The following IARS1 variants were observed in gnomAD, a reference collection of about 807,000 sequenced individuals.
IARS1 encodes isoleucyl-tRNA synthetase 1.
A neutral mutation model predicts 168.2 loss-of-function variants in IARS1; 124 were observed. The observed-to-expected ratio is 0.74, with a 90% CI of 0.64 to 0.86. IARS1 has a LOEUF of 0.86. Ranked by LOEUF, IARS1 falls within the 40% of genes least tolerant of loss-of-function variation. The pLI is 0.00. For missense variants in IARS1, 1,452 were observed against 1,515.8 expected (o/e 0.96, Z 0.70); for synonymous variants, 532 against 529.4 (o/e 1.00, Z -0.07).
At chr9:92,223,996 C>G (rs893770328) in intron 31 of IARS1, among the ~76,000 whole-genome samples, 15 of 152,114 alleles carry the variant, frequency 9.9e-5, no homozygotes, top group African/African-American at 3.4e-4. Flanking sequence ...TAGGACAGGC[C>G]CACAGGGCAG....
rs35960000 is a variant in IARS1, at chr9:92,281,135, C to CT, written c.598-243dup. On this transcript the variant is annotated intron_variant, in intron 6 of 33. Transcript: ENST00000443024. ...AATAATGTCTTTTGACACCTGGTGACTTTTTTTTTTTTTTTTTTAGATGGA... is the reference window on the plus strand; with the variant it reads ...AATAATGTCTTTTGACACCTGGTGACTTTTTTTTTTTTTTTTTTTAGATGGA... Among the ~76,000 whole-genome samples, 727 of 135,544 alleles carry CT rather than the reference C, an allele frequency of 5.4e-3. 6 individuals are homozygous for CT. Among genetic ancestry groups the CT allele is most frequent in the African/African-American group, 6.4e-3 (239 of 37,154 alleles). 88.9% of individuals were successfully genotyped at this position (135,544 alleles called of 152,430 possible).
At chr9:92,247,330 C>T (rs1829353703) in intron 26 of IARS1, 47 bp downstream of exon 26, 2 of 1,564,092 alleles carry the variant, frequency 1.3e-6, no homozygotes, top group African/African-American at 1.4e-5. Flanking sequence ...AAAAGTATCC[C>T]TCAGACTCAG....
chr9:92,234,875 T>C (rs1196497944), intron 30 of IARS1, among the ~76,000 whole-genome samples: 2 of 151,488 alleles, frequency 1.3e-5, no homozygotes, highest in Non-Finnish European at 2.9e-5. Context: ...ATGGAGTTCG[T>C]TCTTGTTGCC....
At chr9:92,211,145 CAG>C (rs1179834137) in intron 33 of IARS1, among the ~76,000 whole-genome samples, 1 of 152,072 alleles carries the variant, frequency 6.6e-6, no homozygotes, top group East Asian at 1.9e-4. Context: ...CTGGCCAGGA[CAG>C]AAAGACCAAG....
chr9:92,254,334 CTT>C (rs1400442739), intron 20 of IARS1, among the ~76,000 whole-genome samples: 3 of 152,280 alleles, frequency 2.0e-5, no homozygotes, highest in South Asian at 2.1e-4. Context: ...AATTAATACT[CTT>C]TGTTACATAA....
At chr9:92,283,635 C>T (rs750387460) in intron 6 of IARS1, among the ~76,000 whole-genome samples, 7 of 151,946 alleles carry the variant, frequency 4.6e-5, no homozygotes, top group Non-Finnish European at 2.9e-5. Flanking sequence ...AGTGAGACTC[C>T]GTCTCAAAAA....
At position 92,259,616 on chromosome 9, in the gene IARS1, G is replaced by C. The variant is rs557296989; in HGVS notation, c.1871+535C>G. 7.2e-5 allele frequency among the ~76,000 whole-genome samples: 11 copies of C among 152,274 alleles called. No individual in the cohort carries two copies. The South Asian group carries it at 2.3e-3, about 32-fold the overall frequency. On this transcript the variant is annotated intron_variant, in intron 18 of 33. Coordinates refer to ENST00000443024, the MANE Select transcript of IARS1 (RefSeq NM_002161.6). ...TGCTGAGTCACAGGCCTGGGCACTG[G>C]TCTCATGCCTAGGACACAGGGATGC...
chr9:92,262,945 G>C (rs371274191), intron 17 of IARS1, 24 bp downstream of exon 17: 2 of 1,559,304 alleles, frequency 1.3e-6, no homozygotes, highest in African/African-American at 2.7e-5. Context: ...AGTTCCACCC[G>C]TCACTACAAC....
chr9:92,267,547 T>C (rs2133844850), intron 14 of IARS1, among the ~76,000 whole-genome samples: 1 of 152,308 alleles, frequency 6.6e-6, no homozygotes, highest in East Asian at 1.9e-4. Flanking sequence ...TTTGTAGAGA[T>C]GGAACCTCAT....
chr9:92,242,229 A>T lies in IARS1; in HGVS notation c.3102T>A (p.Phe1034Leu). The change falls in exon 29 of 34, where the codon TTT (phenylalanine) becomes TTA (leucine). Residue 1034 changes from phenylalanine (F) to leucine (L), a missense_variant. Phe to Leu is a conservative substitution (Grantham distance 22). Coordinates refer to ENST00000443024, the MANE Select transcript of IARS1 (RefSeq NM_002161.6). ...SVIESHTEFI[F>L]TTIKAPLKPY... is the part of the protein sequence containing the mutation. ...GTTTCAAGGGAGCCTTTATGGTGGT[A>T]AATATGAACTCTGTGTGGCTTTCAA... 6.2e-7 allele frequency: 1 copy of T among 1,613,988 alleles called. No individual in the cohort carries two copies. Among genetic ancestry groups the T allele is most frequent in the Non-Finnish European group, 8.5e-7 (1 of 1,179,834 alleles).
At chr9:92,268,006 A>T (rs778830974) in intron 14 of IARS1, among the ~76,000 whole-genome samples, 168 bp downstream of exon 14, 18 of 152,230 alleles carry the variant, frequency 1.2e-4, no homozygotes, top group Non-Finnish European at 2.5e-4. Context: ...TAAAAACCCC[A>T]GAAACAGATT....
chr9:92,263,010 C>T lies in IARS1; in HGVS notation c.1746G>A (p.Pro582=), dbSNP rs1302929013. 3.1e-6 allele frequency: 5 copies of T among 1,613,856 alleles called. No homozygotes were observed. Among genetic ancestry groups the T allele is most frequent in the African/African-American group, 1.3e-5 (1 of 74,878 alleles). ...CATTCACAATTACGTTCTTGAAAGG[C>T]GGTTGTCCAAAGAGGGCCGTGGCCA... ...LVLATALFGQ[P]PFKNVIVNGL... The change falls in exon 17 of 34, where the codon CCG becomes CCA. Residue 582 remains proline, a synonymous_variant. Coordinates refer to ENST00000443024, the MANE Select transcript of IARS1 (RefSeq NM_002161.6).
At chr9:92,276,848 G>A (rs1833848683) in intron 9 of IARS1, among the ~76,000 whole-genome samples, 1 of 152,204 alleles carries the variant, frequency 6.6e-6, no homozygotes. Context: ...AGCAGGGTTT[G>A]CAACTGTAGC....
rs111594005 is a variant in IARS1 at position 92,211,300 on chromosome 9, T to C, written c.3707-411A>G. Among the ~76,000 whole-genome samples, 6 of 152,240 alleles carry C rather than the reference T, an allele frequency of 3.9e-5. 1 individual carries two copies. The highest frequency in any genetic ancestry group is 1.4e-4 in the African/African-American group (6 of 41,552). On this transcript the variant is annotated intron_variant, in intron 33 of 33. Coordinates refer to ENST00000443024, the MANE Select transcript of IARS1 (RefSeq NM_002161.6). The stretch of plus-strand genomic sequence containing the variant: ...CCTGGTTGGTAATATAGTCTCTGTG[T>C]TGTCAGATGTAAGGGATGAGAGGAA...
chr9:92,258,784 C>T lies in IARS1; in HGVS notation c.2016+70G>A, dbSNP rs988427804. On this transcript the variant is annotated intron_variant, in intron 19 of 33. Coordinates refer to ENST00000443024, the MANE Select transcript of IARS1 (RefSeq NM_002161.6). ...CCCTAAAGTCTCACACAGAGCTCCACCTCACAGCTTGGTGAAGGGAGCGCT... is the reference window on the plus strand; with the variant it reads ...CCCTAAAGTCTCACACAGAGCTCCATCTCACAGCTTGGTGAAGGGAGCGCT... 6.9e-6 allele frequency: 10 copies of T among 1,458,798 alleles called. No homozygotes were observed. In the African/African-American group the frequency reaches 1.1e-4, roughly 17 times the overall value. 90.4% of individuals were successfully genotyped at this position (1,458,798 alleles called of 1,614,324 possible).
At chr9:92,235,356 G>C (rs1827324097) in intron 30 of IARS1, among the ~76,000 whole-genome samples, 1 of 151,984 alleles carries the variant, frequency 6.6e-6, no homozygotes, top group African/African-American at 2.4e-5. Context: ...TAGGATTTTT[G>C]CAAAATGCTC....
intron 19 of IARS1, 109 bp from the exon 20 acceptor site, chr9:92,256,909 C>T: frequency 2.0e-6 from 2 of 1,006,540 alleles, no homozygotes; most frequent in South Asian, 4.2e-5. Context: ...AAATCCCAGA[C>T]CCTACTGGCA....
chr9:92,219,116 C>A (rs1278860243), intron 33 of IARS1, among the ~76,000 whole-genome samples: 1 of 152,108 alleles, frequency 6.6e-6, no homozygotes, highest in Non-Finnish European at 1.5e-5. Flanking sequence ...AGAAATAACG[C>A]CACGTATCTA....
At chr9:92,234,915 C>T (rs972916665) in intron 30 of IARS1, among the ~76,000 whole-genome samples, 1 of 151,732 alleles carries the variant, frequency 6.6e-6, no homozygotes, top group African/African-American at 2.4e-5. Context: ...GCGATCTCGG[C>T]TCACTGCAAC....
Sources: gnomAD v4.1 joint callset for allele counts (sites outside exome capture counted in the v4.1 genomes callset) on GRCh38, gnomAD v4.1.1 for gene constraint, MANE v1.5 for transcripts, NCBI Gene and HGNC (gene_info 2026-07-23, HGNC 2026-07-21) for gene names.